Variants in CLIP4 observed in about 807,000 individuals in gnomAD.
The protein encoded by CLIP4 is CAP-Gly domain containing linker protein family member 4, also known as CAP-Gly domain-containing linker protein 4.
In CLIP4, 47 loss-of-function variants were observed where a neutral mutation model predicts 73.1. The observed-to-expected ratio is 0.64, with a 90% CI of 0.51 to 0.82. The LOEUF is 0.82. Among genes scored for constraint, CLIP4 ranks in the 40% least tolerant of loss-of-function variants. CLIP4 has a pLI of 0.00. For missense variants in CLIP4, 874 were observed against 852.9 expected (o/e 1.02, Z -0.31); for synonymous variants, 306 against 295.4 (o/e 1.04, Z -0.37).
chr2:29,146,189 T>C (rs548518348), intron 8 of CLIP4, among the ~76,000 whole-genome samples: 1 of 152,278 alleles, frequency 6.6e-6, no homozygotes, highest in South Asian at 2.1e-4. Context: ...CTGCCCTTGA[T>C]TCTTGCTGCC....
intron 6 of CLIP4, among the ~76,000 whole-genome samples, chr2:29,137,927 A>G (rs1189140222): frequency 6.6e-6 from 1 of 151,686 alleles, no homozygotes; most frequent in Non-Finnish European, 1.5e-5. Flanking sequence ...TTGGATGCAT[A>G]GTTTGTATTT....
At chr2:29,178,210 C>T (rs1424826586) in intron 15 of CLIP4, among the ~76,000 whole-genome samples, 10 of 147,296 alleles carry the variant, frequency 6.8e-5, no homozygotes, top group African/African-American at 2.0e-4. Context: ...GACAGAGTTT[C>T]GCTCTTGTTG....
chr2:29,102,073 C>T (rs993587427), intron 1 of CLIP4, among the ~76,000 whole-genome samples: 1 of 152,122 alleles, frequency 6.6e-6, no homozygotes, highest in Non-Finnish European at 1.5e-5. Flanking sequence ...AACTCACTCT[C>T]CTTGAAGGCC....
chr2:29,104,209 TAGTA>T (rs1668136707), intron 1 of CLIP4, among the ~76,000 whole-genome samples: 1 of 152,220 alleles, frequency 6.6e-6, no homozygotes, highest in Admixed American at 6.5e-5. Flanking sequence ...AAGAATTACT[TAGTA>T]AGTGCTTGAC....
At position 29,142,333 on chromosome 2, in the gene CLIP4, G is replaced by A. The variant is rs59618984; in HGVS notation, c.649-1376G>A. On this transcript the variant is annotated intron_variant, in intron 6 of 15. Coordinates refer to ENST00000320081, the MANE Select transcript of CLIP4 (RefSeq NM_024692.6). Reference sequence around the variant, plus strand: ...GTTTTTTTTTTTTAACAGAAGTTTCGATTGTTGAATTGTATGGGAATTAAC... The same window carrying A: ...GTTTTTTTTTTTTAACAGAAGTTTCAATTGTTGAATTGTATGGGAATTAAC... Among the ~76,000 whole-genome samples, 572 of 151,184 alleles carry A rather than the reference G, an allele frequency of 3.8e-3. 2 individuals carry two copies. Among genetic ancestry groups the A allele is most frequent in the African/African-American group, 0.013 (539 of 41,160 alleles).
rs1413739075 is a variant in CLIP4, at chr2:29,103,890, T to A, written c.-16+5943T>A. On this transcript the variant is annotated intron_variant, in intron 1 of 14. Coordinates refer to the CLIP4 transcript ENST00000401605. Reference sequence around the variant, plus strand: ...CACCATGCCCAGTTAATTTTTTTTTTATTTTTAGTAGACACAGGGTTTCAC... The same window carrying A: ...CACCATGCCCAGTTAATTTTTTTTTAATTTTTAGTAGACACAGGGTTTCAC... 5.3e-5 allele frequency among the ~76,000 whole-genome samples: 8 copies of A among 151,994 alleles called. No individual in the cohort carries two copies. The East Asian group carries it at 1.4e-3, about 26-fold the overall frequency.
chr2:29,168,569 C>A (rs1042944193), intron 14 of CLIP4, among the ~76,000 whole-genome samples: 1 of 116,414 alleles, frequency 8.6e-6, no homozygotes, highest in African/African-American at 3.4e-5. Flanking sequence ...GTTGCCCAGG[C>A]TGGAGTGCAG....
intron 5 of CLIP4, among the ~76,000 whole-genome samples, chr2:29,135,333 A>G (rs570759567): frequency 4.1e-4 from 62 of 152,278 alleles, no homozygotes; most frequent in African/African-American, 1.4e-3. Flanking sequence ...ATATCACTCC[A>G]TCTTATAATG....
intron 4 of CLIP4, 93 bp downstream of exon 4, chr2:29,132,338 C>T (rs1456872341): frequency 7.1e-6 from 7 of 986,264 alleles, no homozygotes; most frequent in Non-Finnish European, 1.1e-5. Flanking sequence ...TGGGGGAAGG[C>T]ACCCAGCTGA....
chr2:29,168,713 G>A (rs1051500404), intron 14 of CLIP4, among the ~76,000 whole-genome samples: 13 of 151,064 alleles, frequency 8.6e-5, no homozygotes, highest in African/African-American at 2.7e-4. Flanking sequence ...TAGTAGAGAC[G>A]GGGTTTCATC....
At chr2:29,165,931 G>T (rs1667581215) in intron 13 of CLIP4, among the ~76,000 whole-genome samples, 1 of 147,514 alleles carries the variant, frequency 6.8e-6, no homozygotes, top group Non-Finnish European at 1.5e-5. Flanking sequence ...CTTCTATTTG[G>T]TTTTCTTTAA....
In CLIP4 at chr2:29,133,813, A is replaced by G. The variant is rs756869422; in HGVS notation, c.526A>G (p.Lys176Glu). The change falls in exon 5 of 16, where the codon AAA becomes GAA. Residue 176 changes from lysine to glutamate, a missense_variant. Lys to Glu is a moderately conservative substitution (Grantham distance 56). Coordinates refer to ENST00000320081, the MANE Select transcript of CLIP4 (RefSeq NM_024692.6). ...AGTGATTTTGAAAACATCGAAACCA[A>G]AAGGCAAGTATTATAAGATCACCTT... ...IRVILKTSKP[K>E]DVDATCSDFN... The G allele has an allele frequency of 2.9e-5, 47 of 1,601,442 alleles. No individual in the cohort carries two copies. Among genetic ancestry groups the G allele is most frequent in the Non-Finnish European group, 3.9e-5 (46 of 1,175,160 alleles).
chr2:29,163,740 T>C, intron 12 of CLIP4, 91 bp from the exon 13 acceptor site: 2 of 1,299,390 alleles, frequency 1.5e-6, no homozygotes, highest in Non-Finnish European at 2.1e-6. Context: ...TTTATGGAAA[T>C]GTTAAAACAC....
chr2:29,162,468 T>C (rs1202049168), intron 12 of CLIP4, among the ~76,000 whole-genome samples: 4 of 152,210 alleles, frequency 2.6e-5, no homozygotes, highest in Non-Finnish European at 1.5e-5. Flanking sequence ...AAGATATCCA[T>C]ACCACACCAC....
At chr2:29,179,492 T>A (rs145697725) in intron 15 of CLIP4, among the ~76,000 whole-genome samples, 19 of 152,346 alleles carry the variant, frequency 1.2e-4, no homozygotes, top group Non-Finnish European at 1.2e-4. Flanking sequence ...GAGCCTCATC[T>A]TTGCTCTTTT....
intron 13 of CLIP4, among the ~76,000 whole-genome samples, chr2:29,165,198 TG>T (rs1471545246): frequency 6.6e-6 from 1 of 152,194 alleles, no homozygotes; most frequent in Non-Finnish European, 1.5e-5. Flanking sequence ...AGCCCAGGTG[TG>T]TTACTTTGTA....
intron 8 of CLIP4, among the ~76,000 whole-genome samples, chr2:29,151,567 C>G (rs1666570567): frequency 6.6e-6 from 1 of 152,048 alleles, no homozygotes; most frequent in African/African-American, 2.4e-5. Context: ...GTAGTATGGA[C>G]TCTGAGGTGG....
At chr2:29,173,693 G>T (rs181463975) in intron 14 of CLIP4, among the ~76,000 whole-genome samples, 1 of 152,088 alleles carries the variant, frequency 6.6e-6, no homozygotes, top group Non-Finnish European at 1.5e-5. Context: ...CATTCAGCAC[G>T]TCTGGTCTGC....
At chr2:29,164,231 G>A (rs1667464327) in intron 13 of CLIP4, among the ~76,000 whole-genome samples, 1 of 152,206 alleles carries the variant, frequency 6.6e-6, no homozygotes, top group African/African-American at 2.4e-5. Context: ...AGTACAGTGA[G>A]AGCAGCAAGC....
Sources: allele counts gnomAD v4.1 joint callset (sites outside exome capture counted in the v4.1 genomes callset), GRCh38; gene constraint gnomAD v4.1.1; transcripts MANE v1.5; gene names NCBI Gene and HGNC (gene_info 2026-07-23, HGNC 2026-07-21).